Variants in SDCCAG8 observed in about 807,000 individuals in gnomAD.
SDCCAG8 encodes the protein serologically defined colon cancer antigen 8.
In SDCCAG8, 74 loss-of-function variants were observed where a neutral mutation model predicts 101.8. The observed-to-expected ratio is 0.73, with a 90% CI of 0.60 to 0.88. The LOEUF (loss-of-function observed/expected upper bound fraction) is 0.88, where lower values mean the gene tolerates loss of function less well. Ranked by LOEUF, SDCCAG8 falls within the 40% of genes least tolerant of loss-of-function variation. The pLI is 0.00. For synonymous variants in SDCCAG8, 281 were observed against 292.9 expected, an observed-to-expected ratio of 0.96 and a Z score of 0.41; for missense variants, 787 against 822.6, an observed-to-expected ratio of 0.96 and a Z score of 0.53.
At chr1:243,405,425 G>C (rs2079702908) in intron 13 of SDCCAG8, among the ~76,000 whole-genome samples, 1 of 152,132 alleles carries the variant, frequency 6.6e-6, no homozygotes, top group South Asian at 2.1e-4. Context: ...TGGTTCTTTA[G>C]AATAACATCT....
chr1:243,261,681 T>G (rs959817850), intron 1 of SDCCAG8, among the ~76,000 whole-genome samples: 1 of 152,214 alleles, frequency 6.6e-6, no homozygotes, highest in African/African-American at 2.4e-5. Flanking sequence ...CCTGTTTTCT[T>G]ATAAAACTTG....
At chr1:243,363,419 T>G (rs2076828775) in intron 12 of SDCCAG8, among the ~76,000 whole-genome samples, 1 of 152,222 alleles carries the variant, frequency 6.6e-6, no homozygotes, top group Non-Finnish European at 1.5e-5. Flanking sequence ...GAAATCAAAG[T>G]GCCGTTGTAA....
chr1:243,303,532 C>T (rs1026997852), intron 6 of SDCCAG8, among the ~76,000 whole-genome samples: 1 of 152,132 alleles, frequency 6.6e-6, no homozygotes, highest in Non-Finnish European at 1.5e-5. Flanking sequence ...CCAACTCAGC[C>T]TACTCAATGT....
intron 9 of SDCCAG8, among the ~76,000 whole-genome samples, chr1:243,328,486 T>TG (rs1179872324): frequency 6.6e-6 from 1 of 151,890 alleles, no homozygotes; most frequent in Non-Finnish European, 1.5e-5. Flanking sequence ...CATGTTGGCC[T>TG]GGCTGGTCTC....
chr1:243,318,660 C>A, intron 9 of SDCCAG8: 1 of 631,802 alleles, frequency 1.6e-6, no homozygotes, highest in Non-Finnish European at 2.0e-6. Flanking sequence ...CCAAACTCCC[C>A]AACATACTGT....
chr1:243,499,344 C>A (rs1316011205), intron 17 of SDCCAG8, among the ~76,000 whole-genome samples: 1 of 152,162 alleles, frequency 6.6e-6, no homozygotes, highest in Non-Finnish European at 1.5e-5. Flanking sequence ...TTCTTAGGGG[C>A]ACTTGGCCTA....
chr1:243,336,325 G>A (rs1187730379), intron 10 of SDCCAG8, among the ~76,000 whole-genome samples: 1 of 152,294 alleles, frequency 6.6e-6, no homozygotes, highest in African/African-American at 2.4e-5. Context: ...TCTGACTGGT[G>A]TGAAATGGGA....
chr1:243,392,226 C>T (rs1295122124), intron 13 of SDCCAG8, among the ~76,000 whole-genome samples: 2 of 152,176 alleles, frequency 1.3e-5, no homozygotes, highest in Admixed American at 6.5e-5. Context: ...AATGAGTAGT[C>T]AGTGTATTGA....
chr1:243,286,182 C>T (rs547849912), intron 4 of SDCCAG8, 90 bp from the exon 5 acceptor site: 786 of 1,296,128 alleles, frequency 6.1e-4, no homozygotes, highest in Non-Finnish European at 8.2e-4. Flanking sequence ...ATAAGTCTTC[C>T]GTACTTTATA....
At chr1:243,291,523 G>C (rs912134980) in intron 5 of SDCCAG8, among the ~76,000 whole-genome samples, 2 of 152,110 alleles carry the variant, frequency 1.3e-5, no homozygotes, top group Non-Finnish European at 2.9e-5. Flanking sequence ...CTTCCTTTTT[G>C]AATCCCTGGC....
intron 17 of SDCCAG8, 77 bp downstream of exon 17, chr1:243,489,217 G>A: frequency 6.4e-7 from 1 of 1,555,340 alleles, no homozygotes; most frequent in Non-Finnish European, 8.7e-7. Flanking sequence ...ACCTCAACAG[G>A]CCGGCTTTCT....
At chr1:243,322,649 A>C (rs1274147686) in intron 9 of SDCCAG8, among the ~76,000 whole-genome samples, 1 of 152,196 alleles carries the variant, frequency 6.6e-6, no homozygotes, top group Non-Finnish European at 1.5e-5. Context: ...ATAGGTACTC[A>C]GTAAATATCC....
intron 12 of SDCCAG8, among the ~76,000 whole-genome samples, chr1:243,366,949 A>G (rs1404081374): frequency 6.6e-6 from 1 of 152,084 alleles, no homozygotes; most frequent in African/African-American, 2.4e-5. Context: ...GCTCAAAAAT[A>G]TTTATTGTAT....
At chr1:243,320,362 C>T (rs1203856582) in intron 9 of SDCCAG8, among the ~76,000 whole-genome samples, 1 of 152,208 alleles carries the variant, frequency 6.6e-6, no homozygotes, top group Non-Finnish European at 1.5e-5. Flanking sequence ...CACATTTGAT[C>T]ATGTGACTCT....
At chr1:243,350,328 C>T (rs1252709103) in intron 12 of SDCCAG8, among the ~76,000 whole-genome samples, 2 of 152,060 alleles carry the variant, frequency 1.3e-5, no homozygotes, top group African/African-American at 2.4e-5. Flanking sequence ...CCTGCCTCAG[C>T]CTCCCAAGTA....
chr1:243,332,454 G>T (rs2074675150), intron 10 of SDCCAG8, among the ~76,000 whole-genome samples: 1 of 151,602 alleles, frequency 6.6e-6, no homozygotes, highest in South Asian at 2.1e-4. Flanking sequence ...CACAGTCCAG[G>T]TCTGGAGGTG....
chr1:243,406,079 G>A (rs931578901), intron 13 of SDCCAG8, among the ~76,000 whole-genome samples: 7 of 152,138 alleles, frequency 4.6e-5, no homozygotes, highest in Non-Finnish European at 1.0e-4. Context: ...ATTAGTTACT[G>A]GGAATTTGTA....
chr1:243,491,634 C>G (rs902967516), intron 17 of SDCCAG8, among the ~76,000 whole-genome samples: 5 of 152,178 alleles, frequency 3.3e-5, no homozygotes, highest in Non-Finnish European at 7.3e-5. Flanking sequence ...TCAGCCTCTG[C>G]GATGCCTTCT....
intron 16 of SDCCAG8, among the ~76,000 whole-genome samples, chr1:243,466,214 T>C (rs1304131525): frequency 6.6e-6 from 1 of 152,240 alleles, no homozygotes; most frequent in Non-Finnish European, 1.5e-5. Flanking sequence ...ATTTGATATA[T>C]ATCAATATTT....
Sources: gnomAD v4.1 joint callset for allele counts (sites outside exome capture counted in the v4.1 genomes callset) on GRCh38, gnomAD v4.1.1 for gene constraint, MANE v1.5 for transcripts, NCBI Gene and HGNC (gene_info 2026-07-23, HGNC 2026-07-21) for gene names.